The following CEP164 variants were observed in gnomAD, a reference collection of about 807,000 sequenced individuals.
CEP164 encodes the protein centrosomal protein of 164 kDa.
CEP164 carries 162 observed loss-of-function variants against 182.7 expected under a neutral mutation model. That is an observed-to-expected ratio of 0.89 (90% CI 0.78 to 1.01). CEP164 has a LOEUF of 1.01. CEP164 is among the 50% of genes least tolerant of loss of function. CEP164 has a pLI of 0.00. For synonymous variants in CEP164, 661 were observed against 690.0 expected (o/e 0.96, Z 0.66); for missense variants, 1,735 against 1,790.4 (o/e 0.97, Z 0.56).
In CEP164 at chr11:117,408,090, G is replaced by A. The variant is rs1013583910; in HGVS notation, c.3609+58G>A. 3.7e-6 allele frequency: 5 copies of A among 1,355,592 alleles called. No individual in the cohort carries two copies. In the African/African-American group the frequency reaches 5.8e-5, roughly 16 times the overall value. 84.0% of individuals were successfully genotyped at this position (1,355,592 alleles called of 1,614,324 possible). A position where few individuals can be genotyped will look rare whatever the true frequency, so the allele number is the denominator to read the frequency against. On this transcript the variant is annotated intron_variant, in intron 28 of 32. Coordinates refer to ENST00000278935, the MANE Select transcript of CEP164 (RefSeq NM_014956.5). The stretch of plus-strand genomic sequence containing the variant: ...CCTGGCCTTCCTCTTCTGTTCTTGG[G>A]ATTGGGTTGAGTTCTTTGGTCCTGC...
intron 17 of CEP164, 85 bp downstream of exon 17, chr11:117,391,300 C>T: frequency 7.6e-7 from 1 of 1,309,622 alleles, no homozygotes; most frequent in Non-Finnish European, 1.1e-6. Flanking sequence ...AGAAGAAGGG[C>T]AAGTCTCGGG....
intron 5 of CEP164, among the ~76,000 whole-genome samples, chr11:117,359,885 A>G (rs2040735275): frequency 6.6e-6 from 1 of 152,136 alleles, no homozygotes; most frequent in Non-Finnish European, 1.5e-5. Context: ...GGCACACATC[A>G]TCTCCATCTT....
intron 20 of CEP164, 141 bp downstream of exon 20, chr11:117,393,267 AG>A (rs753139315): frequency 7.9e-6 from 11 of 1,394,788 alleles, no homozygotes; most frequent in Non-Finnish European, 1.0e-5. Flanking sequence ...GGGCAGAGGA[AG>A]GGGATAAACT....
intron 15 of CEP164, 151 bp from the exon 16 acceptor site, chr11:117,390,626 A>AACCTGTC: frequency 9.7e-7 from 1 of 1,027,968 alleles, no homozygotes; most frequent in Non-Finnish European, 1.4e-6. Context: ...ACAGAGCAAG[A>AACCTGTC]ACCTGTCTCC....
intron 26 of CEP164, 98 bp downstream of exon 26, chr11:117,396,709 C>T (rs527497868): frequency 2.6e-5 from 25 of 967,956 alleles, no homozygotes; most frequent in African/African-American, 6.4e-5. Context: ...AGTGAGGAGA[C>T]GGTGATCACC....
Position 117,328,912 on chromosome 11 carries a change from G to C in CEP164, c.-98+1008G>C, listed in dbSNP as rs899430405. 1.1e-4 allele frequency among the ~76,000 whole-genome samples: 16 copies of C among 152,288 alleles called. No homozygotes were observed. In the East Asian group the frequency reaches 3.1e-3, roughly 29 times the overall value. On this transcript the variant is annotated intron_variant, in intron 1 of 32. Coordinates refer to ENST00000278935, the MANE Select transcript of CEP164 (RefSeq NM_014956.5). ...TCTGATTTCCCTCCTCTCTCCCGAA[G>C]TTCAAGTCCTGTATTCTGCCTCTTA...
At chr11:117,380,248 A>G (rs2043176643) in intron 11 of CEP164, among the ~76,000 whole-genome samples, 1 of 152,070 alleles carries the variant, frequency 6.6e-6, no homozygotes, top group Non-Finnish European at 1.5e-5. Flanking sequence ...TGGGGTACTC[A>G]TGGATTTCTC....
intron 2 of CEP164, chr11:117,336,420 G>T: frequency 1.4e-6 from 2 of 1,389,118 alleles, no homozygotes; most frequent in Non-Finnish European, 1.0e-6. Flanking sequence ...CCGAGGATTG[G>T]CATCCTGGAT....
intron 24 of CEP164, 76 bp downstream of exon 24, chr11:117,395,798 G>A: frequency 6.6e-7 from 1 of 1,504,448 alleles, no homozygotes; most frequent in Non-Finnish European, 9.0e-7. Flanking sequence ...TTGTGTCATG[G>A]CCCAGTTAAT....
chr11:117,395,421 A>T, intron 23 of CEP164, 126 bp from the exon 24 acceptor site: 1 of 1,140,402 alleles, frequency 8.8e-7, no homozygotes. Flanking sequence ...AGAGGTGGTG[A>T]CTTCAGTGGC....
chr11:117,336,125 C>T, intron 2 of CEP164: 1 of 1,545,598 alleles, frequency 6.5e-7, no homozygotes, highest in Non-Finnish European at 8.7e-7. Context: ...TACTTTCCCC[C>T]AGTACAACAT....
chr11:117,387,663 G>T (rs960902585), intron 15 of CEP164, among the ~76,000 whole-genome samples: 3 of 152,202 alleles, frequency 2.0e-5, no homozygotes, highest in African/African-American at 7.2e-5. Context: ...TGTTGGTAAG[G>T]AAGAAAGGGA....
chr11:117,365,228 A>G (rs1052536844), intron 8 of CEP164, among the ~76,000 whole-genome samples: 15 of 152,310 alleles, frequency 9.8e-5, no homozygotes, highest in African/African-American at 3.6e-4. Context: ...TGCCCTATTC[A>G]TTTCTGTATG....
Position 117,411,855 on chromosome 11 carries a change from C to G in CEP164, c.4224C>G (p.Thr1408=). The G allele has an allele frequency of 6.2e-7, 1 of 1,614,166 alleles. No homozygotes were observed. The highest frequency in any genetic ancestry group is 8.5e-7 in the Non-Finnish European group (1 of 1,180,034). ...AAGTCCCTGAGGCGGGCAGCACCACCTTTCAGGGCATAATTGAGGCCAACC... is the reference window on the plus strand; with the variant it reads ...AAGTCCCTGAGGCGGGCAGCACCACGTTTCAGGGCATAATTGAGGCCAACC... ...HSQVPEAGST[T]FQGIIEANRR... The change falls in exon 32 of 33, where the codon ACC becomes ACG. Residue 1408 remains threonine, a synonymous_variant. Transcript: ENST00000278935. This position sits in a 1 kb window ranked among gnomAD's most constrained non-coding sequence, Gnocchi z 4.4.
At chr11:117,352,927 A>C (rs2039837675) in intron 5 of CEP164, among the ~76,000 whole-genome samples, 1 of 152,092 alleles carries the variant, frequency 6.6e-6, no homozygotes, top group Non-Finnish European at 1.5e-5. Context: ...TTTCAGTTCA[A>C]AGTGTTCATA....
At chr11:117,343,652 C>T (rs1202630261) in intron 3 of CEP164, among the ~76,000 whole-genome samples, 10 of 127,926 alleles carry the variant, frequency 7.8e-5, no homozygotes, top group South Asian at 5.0e-4. Flanking sequence ...TTTTTTGAGA[C>T]GAAGTCTTGC....
chr11:117,322,731 T>TTATA lies in CEP164; in HGVS notation c.-98+8013_-98+8016dup, dbSNP rs201165828. Among the ~76,000 whole-genome samples the TTATA allele has an allele frequency of 1.2e-3, 181 of 148,750 alleles. 3 individuals are homozygous for TTATA. The South Asian group carries it at 0.016, about 13-fold the overall frequency. ...TCACCACGCCTGGCATATTTTGTGTTTATATATATATATGTATATAGATAG... is the reference window on the plus strand; with the variant it reads ...TCACCACGCCTGGCATATTTTGTGTTTATATATATATATATATGTATATAGATAG... On this transcript the variant is annotated intron_variant, in intron 1 of 4. Coordinates refer to the CEP164 transcript ENST00000525734.
chr11:117,402,614 G>T (rs999467707), intron 27 of CEP164, among the ~76,000 whole-genome samples: 8 of 152,192 alleles, frequency 5.3e-5, no homozygotes, highest in African/African-American at 9.7e-5. Context: ...TTACTGAAGA[G>T]TGTTTTACTT....
chr11:117,379,254 G>C (rs2043063897), intron 11 of CEP164, among the ~76,000 whole-genome samples: 1 of 152,188 alleles, frequency 6.6e-6, no homozygotes. Flanking sequence ...ATGTAATTTG[G>C]GGGAGCTGGG....
Sources: allele counts gnomAD v4.1 joint callset (sites outside exome capture counted in the v4.1 genomes callset), GRCh38; gene constraint gnomAD v4.1.1; non-coding constraint Gnocchi (gnomAD v3.1); transcripts MANE v1.5; gene names NCBI Gene and HGNC (gene_info 2026-07-23, HGNC 2026-07-21).